ENOX1: variants seen among roughly 807,000 people sequenced by gnomAD.
The protein encoded by ENOX1 is candidate growth-related and time keeping constitutive hydroquinone (NADH) oxidase.
In ENOX1, 42 loss-of-function variants were observed where a neutral mutation model predicts 82.5. The ratio of observed to expected loss-of-function variants is 0.51; its 90% CI spans 0.40 to 0.66. The LOEUF (loss-of-function observed/expected upper bound fraction) is 0.66. Among genes scored for constraint, ENOX1 ranks in the 30% least tolerant of loss-of-function variants. The pLI is 0.00. For synonymous variants in ENOX1, 271 were observed against 282.2 expected (o/e 0.96, Z 0.40); for missense variants, 608 against 811.6 (o/e 0.75, Z 3.05).
At chr13:43,467,546 T>C (rs1453683380) in intron 3 of ENOX1, among the ~76,000 whole-genome samples, 2 of 152,104 alleles carry the variant, frequency 1.3e-5, no homozygotes, top group Non-Finnish European at 2.9e-5. Context: ...AATTTCTTTA[T>C]ATATCTGGTA....
chr13:43,606,709 G>C (rs745946012), intron 2 of ENOX1, among the ~76,000 whole-genome samples: 2 of 152,088 alleles, frequency 1.3e-5, no homozygotes, highest in African/African-American at 2.4e-5. Flanking sequence ...TAATTAGATA[G>C]AATGAATAAG....
At chr13:43,454,075 A>T (rs1307621573) in intron 3 of ENOX1, among the ~76,000 whole-genome samples, 1 of 152,116 alleles carries the variant, frequency 6.6e-6, no homozygotes, top group Non-Finnish European at 1.5e-5. Context: ...AGCATTGTCC[A>T]TGTTGGTTTT....
chr13:43,475,698 A>G (rs1313277702), intron 3 of ENOX1, among the ~76,000 whole-genome samples: 2 of 151,406 alleles, frequency 1.3e-5, no homozygotes, highest in Non-Finnish European at 2.9e-5. Flanking sequence ...TGTCAGTTCT[A>G]GAAATAGTGG....
At chr13:43,500,249 G>C (rs1039750046) in intron 2 of ENOX1, among the ~76,000 whole-genome samples, 8 of 152,078 alleles carry the variant, frequency 5.3e-5, no homozygotes, top group Admixed American at 5.2e-4. Context: ...AAATTCATGA[G>C]AGAACTCAAA....
In ENOX1 at chr13:43,604,287, C is replaced by A. The variant is rs574573046; in HGVS notation, c.-219+63192G>T. 1.1e-4 allele frequency among the ~76,000 whole-genome samples: 17 copies of A among 151,898 alleles called. No individual in the cohort carries two copies. The South Asian group carries it at 3.5e-3, about 32-fold the overall frequency. Reference sequence around the variant, plus strand: ...TCATTGTAGATTCTGGATATTAGCCCTTTGTCAGATGAGTAGGTTGCGAAA... The same window carrying A: ...TCATTGTAGATTCTGGATATTAGCCATTTGTCAGATGAGTAGGTTGCGAAA... On this transcript the variant is annotated intron_variant, in intron 2 of 16. Transcript: ENST00000690772.
intron 3 of ENOX1, among the ~76,000 whole-genome samples, chr13:43,417,248 A>AGGGAGAGGGAGAGGGAGG (rs1566170454): frequency 1.1e-5 from 1 of 94,924 alleles, no homozygotes; most frequent in Non-Finnish European, 2.1e-5. Flanking sequence ...GAGACGGGAG[A>AGGGAGAGGGAGAGGGAGG]GGGAGAGGGA....
chr13:43,382,978 G>A (rs1025647133), intron 5 of ENOX1, among the ~76,000 whole-genome samples: 2 of 152,124 alleles, frequency 1.3e-5, no homozygotes, highest in Admixed American at 1.3e-4. Context: ...AAGCTTTTTA[G>A]TTTCCTAACA....
At chr13:43,424,486 C>T (rs2055167584) in intron 3 of ENOX1, among the ~76,000 whole-genome samples, 1 of 152,126 alleles carries the variant, frequency 6.6e-6, no homozygotes, top group South Asian at 2.1e-4. Context: ...AGACCAAGAC[C>T]AGCCTGAGCC....
intron 3 of ENOX1, among the ~76,000 whole-genome samples, chr13:43,432,406 C>T (rs1247484379): frequency 3.3e-5 from 5 of 151,942 alleles, no homozygotes; most frequent in East Asian, 3.9e-4. Context: ...TTTGGGAGGC[C>T]GAGGCAGGTG....
At chr13:43,420,597 G>A (rs1379450602) in intron 3 of ENOX1, among the ~76,000 whole-genome samples, 4 of 152,178 alleles carry the variant, frequency 2.6e-5, no homozygotes, top group Non-Finnish European at 5.9e-5. Context: ...AAAGCTGAAT[G>A]TTCTGAGGGG....
At chr13:43,477,926 T>C (rs902755909) in intron 3 of ENOX1, among the ~76,000 whole-genome samples, 4 of 152,148 alleles carry the variant, frequency 2.6e-5, no homozygotes, top group South Asian at 2.1e-4. Context: ...ATAAACATTT[T>C]CAAACATAAT....
intron 2 of ENOX1, among the ~76,000 whole-genome samples, chr13:43,523,666 C>G (rs1240553084): frequency 6.6e-6 from 1 of 152,156 alleles, no homozygotes; most frequent in East Asian, 1.9e-4. Flanking sequence ...GCCCAGAGTT[C>G]TGTCCCGTCA....
intron 3 of ENOX1, among the ~76,000 whole-genome samples, chr13:43,464,365 G>A (rs938238322): frequency 2.6e-5 from 4 of 152,118 alleles, no homozygotes; most frequent in African/African-American, 9.7e-5. Flanking sequence ...GATATGTTGA[G>A]GAGCTTGCAT....
intron 2 of ENOX1, among the ~76,000 whole-genome samples, chr13:43,621,190 T>G (rs1212056060): frequency 6.6e-6 from 1 of 152,210 alleles, no homozygotes; most frequent in African/African-American, 2.4e-5. Context: ...TTCTTATCCA[T>G]TCTGTGGTTC....
In ENOX1 at chr13:43,252,213, C is replaced by T. The variant is rs905218605; in HGVS notation, c.1611+13185G>A. Among the ~76,000 whole-genome samples, 12 of 152,172 alleles carry T rather than the reference C, an allele frequency of 7.9e-5. No homozygotes were observed. The South Asian group carries it at 1.0e-3, about 13-fold the overall frequency. On this transcript the variant is annotated intron_variant, in intron 14 of 16. Coordinates refer to ENST00000690772, the MANE Select transcript of ENOX1 (RefSeq NM_001347969.2). ...GAGGCTGATAGAACAATAGAAACGA[C>T]GTGTTACTGAGCATCACGGCCACAA...
At chr13:43,751,176 T>C (rs761725509) in intron 1 of ENOX1, among the ~76,000 whole-genome samples, 11 of 152,222 alleles carry the variant, frequency 7.2e-5, no homozygotes, top group Non-Finnish European at 1.3e-4. Flanking sequence ...TAGAATGTTT[T>C]GTCTTTGTAG....
chr13:43,768,270 CCAAT>C lies in ENOX1; in HGVS notation c.-285+18378_-285+18381del, dbSNP rs528983915. Among the ~76,000 whole-genome samples the C allele has an allele frequency of 9.7e-3, 1,477 of 152,252 alleles. 6 individuals carry two copies. Among genetic ancestry groups the C allele is most frequent in the Non-Finnish European group, 0.013 (906 of 68,022 alleles). On this transcript the variant is annotated intron_variant, in intron 1 of 16. Transcript: ENST00000690772. ...AAGTTCAGACATCTCCAAATCTTCA[CCAAT>C]CAAATTTTCTGTAATGAACATATGC...
chr13:43,539,615 T>C (rs1197778858), intron 2 of ENOX1, among the ~76,000 whole-genome samples: 3 of 152,208 alleles, frequency 2.0e-5, no homozygotes, highest in Non-Finnish European at 4.4e-5. Flanking sequence ...AGTTTTTTTA[T>C]ATGTTCTATG....
At chr13:43,395,393 G>T (rs529801854) in intron 5 of ENOX1, among the ~76,000 whole-genome samples, 1 of 152,252 alleles carries the variant, frequency 6.6e-6, no homozygotes, top group East Asian at 1.9e-4. Flanking sequence ...GTGTGTGTTT[G>T]TAGTCCCAGT....
Sources: gnomAD v4.1 joint callset for allele counts (sites outside exome capture counted in the v4.1 genomes callset) on GRCh38, gnomAD v4.1.1 for gene constraint, MANE v1.5 for transcripts, NCBI Gene and HGNC (gene_info 2026-07-23, HGNC 2026-07-21) for gene names.